Variants in DST observed in about 807,000 individuals in gnomAD.
DST encodes dystonin, also known as bullous pemphigoid antigen.
In DST, 253 loss-of-function variants were observed where a neutral mutation model predicts 875.2. That is an observed-to-expected ratio of 0.29 (90% CI 0.26 to 0.32). The LOEUF is 0.32. Among genes scored for constraint, DST ranks in the 10% least tolerant of loss-of-function variants. The pLI is 1.00. For synonymous variants in DST, 3,124 were observed against 3,197.1 expected (o/e 0.98, Z 0.77); for missense variants, 8,287 against 9,111.6 (o/e 0.91, Z 3.68).
chr6:56,727,723 T>C (rs372667421), intron 5 of DST, among the ~76,000 whole-genome samples: 1 of 152,204 alleles, frequency 6.6e-6, no homozygotes, highest in Admixed American at 6.5e-5. Flanking sequence ...TGAAAGAAAT[T>C]AGAACACAGC....
intron 2 of DST, among the ~76,000 whole-genome samples, chr6:56,902,295 T>C (rs1385524104): frequency 6.6e-6 from 1 of 152,200 alleles, no homozygotes; most frequent in Non-Finnish European, 1.5e-5. Context: ...TTTTTGAAGA[T>C]GTATAAAAGG....
At chr6:56,616,368 G>A in intron 36 of DST, 3 of 1,613,618 alleles carry the variant, frequency 1.9e-6, no homozygotes, top group Non-Finnish European at 2.5e-6. Context: ...GAAAGTTCAA[G>A]ATATATACTT....
At chr6:56,774,746 A>C (rs2099674658) in intron 4 of DST, among the ~76,000 whole-genome samples, 1 of 152,198 alleles carries the variant, frequency 6.6e-6, no homozygotes, top group Admixed American at 6.5e-5. Context: ...TAATCCCAGC[A>C]CTTTGGGAGG....
chr6:56,585,804 T>G (rs1259354936), intron 49 of DST, among the ~76,000 whole-genome samples: 6 of 152,108 alleles, frequency 3.9e-5, no homozygotes, highest in Non-Finnish European at 8.8e-5. Flanking sequence ...GTCTTTGTTC[T>G]CGTTGGTTTC....
At chr6:56,627,400 C>G (rs927083683) in intron 33 of DST, 113 bp from the exon 34 acceptor site, 1 of 801,580 alleles carries the variant, frequency 1.2e-6, no homozygotes, top group Non-Finnish European at 2.2e-6. Context: ...AGCTCCTTAG[C>G]CCTTTGCACT....
intron 78 of DST, among the ~76,000 whole-genome samples, chr6:56,501,971 T>G (rs2152459453): frequency 6.6e-6 from 1 of 152,268 alleles, no homozygotes; most frequent in South Asian, 2.1e-4. Context: ...AAAAATAAAT[T>G]TCAAGGCTGA....
At position 56,552,225 on chromosome 6, in the gene DST, T is replaced by G. The variant is rs757701947; in HGVS notation, c.16567A>C (p.Met5523Leu). Residue 5523 changes from methionine (M) to leucine (L), a missense_variant, in exon 61 of 104, where the codon ATG (methionine) becomes CTG (leucine). Met to Leu is a conservative substitution (Grantham distance 15). Coordinates refer to ENST00000680361, the MANE Select transcript of DST (RefSeq NM_001374736.1). ...TGCTGATTAATTGTCTCCGTTTCCATACCAACAGGACCTTGTGACTCTTCA... is the reference window on the plus strand; with the variant it reads ...TGCTGATTAATTGTCTCCGTTTCCAGACCAACAGGACCTTGTGACTCTTCA... ...EHEESQGPVG[M>L]ETETINQQLN... is the part of the protein sequence containing the mutation. The G allele has an allele frequency of 3.1e-6, 5 of 1,613,538 alleles. No individual in the cohort carries two copies. In the East Asian group the frequency reaches 1.1e-4, roughly 36 times the overall value.
intron 2 of DST, among the ~76,000 whole-genome samples, chr6:56,937,931 T>C (rs960056649): frequency 2.6e-5 from 4 of 152,132 alleles, no homozygotes; most frequent in African/African-American, 9.7e-5. Context: ...ATTCTACTTA[T>C]ATGCAATGTC....
At chr6:56,506,323 A>G (rs1250710533) in intron 77 of DST, 120 bp downstream of exon 77, 9 of 702,378 alleles carry the variant, frequency 1.3e-5, no homozygotes, top group Non-Finnish European at 1.9e-5. Flanking sequence ...AACTGCAGGA[A>G]TAATTTGCCC....
chr6:56,517,429 A>G (rs372399187), intron 70 of DST, 72 bp downstream of exon 70: 2 of 1,597,474 alleles, frequency 1.3e-6, no homozygotes, highest in Non-Finnish European at 1.7e-6. Context: ...AGTAAATCAT[A>G]CAAGCACATT....
At chr6:56,461,517 C>A (rs1267028712) in intron 102 of DST, 2 of 152,204 alleles carry the variant, frequency 1.3e-5, no homozygotes, top group East Asian at 3.8e-4. Context: ...GAATTCATAA[C>A]CGTGAAAGAC....
At chr6:56,857,552 A>G (rs1430577318) in intron 3 of DST, among the ~76,000 whole-genome samples, 5 of 152,258 alleles carry the variant, frequency 3.3e-5, no homozygotes, top group African/African-American at 7.2e-5. Context: ...ACAGAAAAAT[A>G]TAAAAGAAAT....
chr6:56,723,463 C>T (rs769536598), intron 5 of DST, among the ~76,000 whole-genome samples: 14 of 152,096 alleles, frequency 9.2e-5, no homozygotes, highest in Non-Finnish European at 2.1e-4. Flanking sequence ...ACTCGGGAGG[C>T]TGAGGCAGGA....
intron 7 of DST, among the ~76,000 whole-genome samples, chr6:56,702,400 CACAT>C (rs1448980388): frequency 1.1e-3 from 163 of 151,836 alleles, no homozygotes; most frequent in African/African-American, 3.3e-3. Context: ...CACACACACA[CACAT>C]ATATATATAC....
Position 56,508,748 on chromosome 6 carries a change from C to T in DST, c.19020G>A (p.Gln6340=). The T allele has an allele frequency of 6.2e-7, 1 of 1,611,758 alleles. No individual in the cohort carries two copies. Among genetic ancestry groups the T allele is most frequent in the Non-Finnish European group, 8.5e-7 (1 of 1,178,446 alleles). ...TGAAAACCATTTGGTCAAGCTTATCCTGAACAGCTATGAAGCAAAACAATA... is the reference window on the plus strand; with the variant it reads ...TGAAAACCATTTGGTCAAGCTTATCTTGAACAGCTATGAAGCAAAACAATA... ...TDKDISAKAV[Q]DKLDQMVFIW... The change falls in exon 75 of 104, where the codon CAG becomes CAA. Residue 6340 remains glutamine, a synonymous_variant. Transcript: ENST00000680361.
At chr6:56,651,587 T>C (rs893956437) in intron 10 of DST, among the ~76,000 whole-genome samples, 3 of 152,212 alleles carry the variant, frequency 2.0e-5, no homozygotes, top group Non-Finnish European at 4.4e-5. Flanking sequence ...CAGCATCCTG[T>C]CAATGTTTTT....
At chr6:56,687,785 A>T (rs925551464) in intron 9 of DST, among the ~76,000 whole-genome samples, 6 of 100,540 alleles carry the variant, frequency 6.0e-5, no homozygotes, top group Non-Finnish European at 1.0e-4. Context: ...CTTCCAAGTT[A>T]AAAAAAAAAA....
intron 4 of DST, among the ~76,000 whole-genome samples, chr6:56,764,752 G>A (rs1391372700): frequency 6.6e-6 from 1 of 152,160 alleles, no homozygotes; most frequent in African/African-American, 2.4e-5. Context: ...GAGGTCAGGA[G>A]GTCAAGACCA....
At chr6:56,894,363 C>T (rs1789690717) in intron 3 of DST, among the ~76,000 whole-genome samples, 1 of 106,386 alleles carries the variant, frequency 9.4e-6, no homozygotes, top group Non-Finnish European at 1.8e-5. Context: ...GGGCTGTTCC[C>T]CCCACCTCCC....
Sources: gnomAD v4.1 joint callset for allele counts (sites outside exome capture counted in the v4.1 genomes callset) on GRCh38, gnomAD v4.1.1 for gene constraint, MANE v1.5 for transcripts, NCBI Gene and HGNC (gene_info 2026-07-23, HGNC 2026-07-21) for gene names.